PPP2R3A: variants seen among roughly 807,000 people sequenced by gnomAD.
PPP2R3A encodes the protein serine/threonine-protein phosphatase 2A regulatory subunit B'' subunit alpha.
A neutral mutation model predicts 106.9 loss-of-function variants in PPP2R3A; 80 were observed. The observed-to-expected ratio is 0.75, with a 90% confidence interval of 0.62 to 0.90. The LOEUF (loss-of-function observed/expected upper bound fraction) is 0.90, where lower values mean the gene tolerates loss of function less well. Ranked by LOEUF, PPP2R3A falls within the 40% of genes least tolerant of loss-of-function variation. PPP2R3A has a pLI of 0.00. For synonymous variants in PPP2R3A, 483 were observed against 468.3 expected (o/e 1.03, Z -0.41); for missense variants, 1,386 against 1,350.4 (o/e 1.03, Z -0.41).
intron 5 of PPP2R3A, among the ~76,000 whole-genome samples, chr3:136,065,435 A>G (rs1258764194): frequency 2.0e-5 from 3 of 152,256 alleles, no homozygotes; most frequent in East Asian, 1.9e-4. Context: ...TTTTGCTTTT[A>G]TACTGTGTGT....
chr3:135,997,421 T>C (rs888245804), intron 1 of PPP2R3A, among the ~76,000 whole-genome samples: 11 of 152,324 alleles, frequency 7.2e-5, no homozygotes, highest in Non-Finnish European at 1.2e-4. Flanking sequence ...CTAAGAATTC[T>C]GTTCCTCTCT....
chr3:136,103,818 C>T (rs1228854874), intron 12 of PPP2R3A, among the ~76,000 whole-genome samples: 3 of 152,156 alleles, frequency 2.0e-5, no homozygotes, highest in African/African-American at 4.8e-5. Context: ...TGATAGAAAA[C>T]CTTCAAATAA....
chr3:135,972,924 G>A (rs1937289114), intron 1 of PPP2R3A, among the ~76,000 whole-genome samples: 2 of 152,062 alleles, frequency 1.3e-5, no homozygotes, highest in Non-Finnish European at 2.9e-5. Context: ...AGTGTTCTTT[G>A]CACAGAAGTT....
At chr3:136,033,392 C>T (rs549562571) in intron 3 of PPP2R3A, among the ~76,000 whole-genome samples, 6 of 152,162 alleles carry the variant, frequency 3.9e-5, no homozygotes, top group Non-Finnish European at 7.4e-5. Context: ...AGGGTGATGC[C>T]GGCTTCATAG....
chr3:136,018,083 AT>A (rs1461876173), intron 2 of PPP2R3A, among the ~76,000 whole-genome samples: 1 of 152,240 alleles, frequency 6.6e-6, no homozygotes, highest in African/African-American at 2.4e-5. Flanking sequence ...CCTGGGCAAC[AT>A]GGCGAAACCC....
chr3:136,026,710 A>T, intron 2 of PPP2R3A, 122 bp from the exon 3 acceptor site: 1 of 825,156 alleles, frequency 1.2e-6, no homozygotes, highest in Non-Finnish European at 1.8e-6. Flanking sequence ...CACCTTTAAG[A>T]GTACAGTGAG....
At chr3:135,968,655 C>CCTGTT (rs11282193) in intron 1 of PPP2R3A, among the ~76,000 whole-genome samples, 43,973 of 151,806 alleles carry the variant, frequency 0.29, 6,650 homozygotes, top group Non-Finnish European at 0.32. Context: ...CTCCTCCAAG[C>CCTGTT]AAATCAGAGC....
intron 5 of PPP2R3A, among the ~76,000 whole-genome samples, chr3:136,068,666 AT>A (rs1936334775): frequency 6.6e-6 from 1 of 152,268 alleles, no homozygotes; most frequent in African/African-American, 2.4e-5. Context: ...CTAACAATAG[AT>A]GCTAAAATGA....
intron 1 of PPP2R3A, among the ~76,000 whole-genome samples, chr3:135,988,334 C>G (rs936724763): frequency 6.6e-6 from 1 of 151,802 alleles, no homozygotes; most frequent in Non-Finnish European, 1.5e-5. Flanking sequence ...CTCATGTATC[C>G]CATTGGCTCT....
chr3:136,067,870 C>G (rs1936307564), intron 5 of PPP2R3A, among the ~76,000 whole-genome samples: 2 of 152,162 alleles, frequency 1.3e-5, no homozygotes, highest in Non-Finnish European at 1.5e-5. Flanking sequence ...AAGGAAAATA[C>G]AAGATAAACA....
intron 2 of PPP2R3A, among the ~76,000 whole-genome samples, chr3:136,007,103 T>C (rs567160482): frequency 1.3e-5 from 2 of 152,254 alleles, no homozygotes; most frequent in East Asian, 3.9e-4. Flanking sequence ...CCATTCAGCC[T>C]CCAAAAATGT....
intron 5 of PPP2R3A, among the ~76,000 whole-genome samples, chr3:136,061,036 T>TA (rs1277659982): frequency 3.3e-5 from 5 of 151,764 alleles, no homozygotes; most frequent in Non-Finnish European, 5.9e-5. Context: ...TAAAAAAGAA[T>TA]AAAAAAACAA....
intron 4 of PPP2R3A, among the ~76,000 whole-genome samples, chr3:136,047,146 C>T (rs948900017): frequency 1.3e-5 from 2 of 152,162 alleles, no homozygotes; most frequent in Non-Finnish European, 2.9e-5. Flanking sequence ...AGCGAGAGTA[C>T]GCAACTTGGA....
In PPP2R3A at chr3:136,002,120, G is replaced by A. The variant is rs770902830; in HGVS notation, c.622G>A (p.Glu208Lys). Residue 208 changes from glutamate to lysine, a missense_variant, in exon 2 of 14, where the codon GAA (glutamate) becomes AAA (lysine). Coordinates refer to ENST00000264977, the MANE Select transcript of PPP2R3A (RefSeq NM_002718.5). ...CATGTTTCTTCAAAACTTTTCTGAA[G>A]AAGACTTGGTTACTCAGATTTTGGA... ...TSMFLQNFSE[E>K]DLVTQILEKH... 2.2e-5 allele frequency: 35 copies of A among 1,613,918 alleles called. No homozygotes were observed. The highest frequency in any genetic ancestry group is 2.6e-5 in the Non-Finnish European group (31 of 1,180,018).
At chr3:135,994,125 G>A (rs1296795048) in intron 1 of PPP2R3A, among the ~76,000 whole-genome samples, 5 of 152,216 alleles carry the variant, frequency 3.3e-5, no homozygotes. Context: ...AAGCTGAAGG[G>A]AAGCTCTGTG....
At chr3:136,114,475 C>T (rs1283488091) in intron 13 of PPP2R3A, among the ~76,000 whole-genome samples, 1 of 152,200 alleles carries the variant, frequency 6.6e-6, no homozygotes, top group Non-Finnish European at 1.5e-5. Context: ...CCCAGGGAGC[C>T]AAGTGGTCTG....
chr3:136,095,133 C>T (rs1345026930), intron 10 of PPP2R3A, among the ~76,000 whole-genome samples: 2 of 151,982 alleles, frequency 1.3e-5, no homozygotes, highest in African/African-American at 4.8e-5. Flanking sequence ...CATCTTTGAA[C>T]TGTTTTTTTT....
chr3:136,130,484 A>G (rs983152770), intron 13 of PPP2R3A, among the ~76,000 whole-genome samples: 1 of 152,188 alleles, frequency 6.6e-6, no homozygotes, highest in Non-Finnish European at 1.5e-5. Context: ...GGAGAACTAC[A>G]AATCACTGCT....
intron 2 of PPP2R3A, among the ~76,000 whole-genome samples, chr3:136,005,992 G>A (rs1933830951): frequency 6.6e-6 from 1 of 152,138 alleles, no homozygotes; most frequent in South Asian, 2.1e-4. Flanking sequence ...AAAAGAGATG[G>A]ACTGCATAAA....
Sources: allele counts gnomAD v4.1 joint callset (sites outside exome capture counted in the v4.1 genomes callset), GRCh38; gene constraint gnomAD v4.1.1; transcripts MANE v1.5; gene names NCBI Gene and HGNC (gene_info 2026-07-23, HGNC 2026-07-21).